SLC19A3: variants seen among roughly 807,000 people sequenced by gnomAD.
The protein encoded by SLC19A3 is thiamine transporter 2.
In SLC19A3, 31 loss-of-function variants were observed where a neutral mutation model predicts 40.2. The ratio of observed to expected loss-of-function variants is 0.77; its 90% CI spans 0.58 to 1.04. The LOEUF (loss-of-function observed/expected upper bound fraction) is 1.04, where lower values mean the gene tolerates loss of function less well. Ranked by LOEUF, SLC19A3 falls within the 50% of genes least tolerant of loss-of-function variation. The pLI, the probability that SLC19A3 is intolerant of heterozygous loss-of-function variation, is 0.00. For missense variants in SLC19A3, 592 were observed against 596.7 expected (o/e 0.99, Z 0.08); for synonymous variants, 212 against 227.5 (o/e 0.93, Z 0.61).
chr2:227,707,075 C>T (rs559603532), intron 1 of SLC19A3, among the ~76,000 whole-genome samples: 3 of 152,330 alleles, frequency 2.0e-5, no homozygotes, highest in East Asian at 3.9e-4. Flanking sequence ...CCTGCTGCAC[C>T]TGCACGGCAG....
chr2:227,690,706 CAAAAA>C (rs34163746), intron 4 of SLC19A3, among the ~76,000 whole-genome samples: 49 of 39,164 alleles, frequency 1.3e-3, no homozygotes, highest in African/African-American at 4.5e-3. Context: ...GACTCCATCT[CAAAAA>C]AAAAAAAAAA....
chr2:227,695,356 A>G (rs1339869172), intron 4 of SLC19A3, among the ~76,000 whole-genome samples: 2 of 152,042 alleles, frequency 1.3e-5, no homozygotes, highest in Non-Finnish European at 2.9e-5. Context: ...TAATTCCAGC[A>G]CTTTGGGAAG....
In SLC19A3 at chr2:227,702,376, T is replaced by C. The variant is rs1427951291; in HGVS notation, c.-2-56A>G. 68 of 1,565,378 alleles carry C rather than the reference T, an allele frequency of 4.3e-5. 1 individual carries two copies. The East Asian group carries it at 1.4e-3, about 32-fold the overall frequency. ...GTGATGCTTATTCTTTTTAGCATCC[T>C]TGATGCGATGAAAACCTGATTTTTT... On this transcript the variant is annotated intron_variant, in intron 1 of 5. Transcript: ENST00000644224.
At chr2:227,696,893 C>T (rs758652834) in intron 3 of SLC19A3, among the ~76,000 whole-genome samples, 12 of 152,012 alleles carry the variant, frequency 7.9e-5, no homozygotes, top group Non-Finnish European at 7.4e-5. Flanking sequence ...TGGTGAAACT[C>T]CAGCTCTACT....
chr2:227,717,384 C>T (rs1454906338), intron 1 of SLC19A3, among the ~76,000 whole-genome samples: 1 of 152,154 alleles, frequency 6.6e-6, no homozygotes, highest in African/African-American at 2.4e-5. Context: ...TGCACATTTG[C>T]GGCAGCGACA....
Position 227,703,686 on chromosome 2 carries a change from T to C in SLC19A3, c.-2-1366A>G, listed in dbSNP as rs934605330. Reference sequence around the variant, plus strand: ...TGGTGCTTTCTGTCTTCGTTGTTAATGATCTTATAGAAATGGCTGTCCTGG... The same window carrying C: ...TGGTGCTTTCTGTCTTCGTTGTTAACGATCTTATAGAAATGGCTGTCCTGG... On this transcript the variant is annotated intron_variant, in intron 1 of 5. Transcript: ENST00000644224. The surrounding 1 kb of genome is among the most constrained non-coding windows in gnomAD (Gnocchi z 4.7). Among the ~76,000 whole-genome samples, 5 of 152,202 alleles carry C rather than the reference T, an allele frequency of 3.3e-5. No individual in the cohort carries two copies. Among genetic ancestry groups the C allele is most frequent in the African/African-American group, 9.6e-5 (4 of 41,462 alleles).
rs1553568041 is a variant in SLC19A3, at chr2:227,687,410, G to C, written c.1478C>G (p.Ser493Ter). ...GTTGCGATGAGGTTAGAGTTTTGTT[G>C]ACATGATGATATTACTCTCTTCCTC... is the stretch of plus-strand genomic sequence containing the variant. ...HPEEESNIIM[S>*]TKL The change falls in exon 6 of 6, where the codon TCA (serine) becomes TGA (stop). Residue 493 changes from serine (S) to a stop codon, truncating the protein, a stop_gained. Transcript: ENST00000644224. LOFTEE classifies it high-confidence loss of function. The C allele has an allele frequency of 1.2e-6, 2 of 1,608,910 alleles. No individual in the cohort carries two copies. Among genetic ancestry groups the C allele is most frequent in the Non-Finnish European group, 1.7e-6 (2 of 1,176,384 alleles).
intron 1 of SLC19A3, chr2:227,714,378 A>G (rs973480249): frequency 1.9e-4 from 186 of 966,920 alleles, no homozygotes; most frequent in Non-Finnish European, 2.3e-4. Flanking sequence ...CTGGCCACAT[A>G]TAACATTTTT....
Position 227,692,022 on chromosome 2 carries a change from T to C in SLC19A3, c.1173-3715A>G, listed in dbSNP as rs187545129. 3.5e-4 allele frequency among the ~76,000 whole-genome samples: 53 copies of C among 152,218 alleles called. No homozygotes were observed. In the East Asian group the frequency reaches 8.9e-3, roughly 25 times the overall value. ...ACAAACAACCTATCCGATTGAACCA[T>C]GAAGAAATCCAAAACCTGAGAAGAC... On this transcript the variant is annotated intron_variant, in intron 4 of 5. Coordinates refer to ENST00000644224, the MANE Select transcript of SLC19A3 (RefSeq NM_025243.4).
chr2:227,698,732 T>G lies in SLC19A3; in HGVS notation c.979+4A>C, dbSNP rs778504868. On this transcript the variant is annotated splice_donor_region_variant and intron_variant, in intron 3 of 5. Coordinates refer to ENST00000644224, the MANE Select transcript of SLC19A3 (RefSeq NM_025243.4). ...CAAAGGAAGATTAAGTGACATTTGCTTACCTCCAAAGGTTGCAATAGCTTC... is the reference window on the plus strand; with the variant it reads ...CAAAGGAAGATTAAGTGACATTTGCGTACCTCCAAAGGTTGCAATAGCTTC... 1.2e-6 allele frequency: 2 copies of G among 1,612,012 alleles called. No homozygotes were observed. Among genetic ancestry groups the G allele is most frequent in the Non-Finnish European group, 1.7e-6 (2 of 1,178,936 alleles).
chr2:227,712,964 A>C lies in SLC19A3; in HGVS notation c.-3+4979T>G, dbSNP rs1238799994. On this transcript the variant is annotated intron_variant, in intron 1 of 5. Transcript: ENST00000644224. ...GCAGGGGAACTTCCTGGGGTGACCA[A>C]AACACTCTACACCTTGATTGTGGTG... is the stretch of plus-strand genomic sequence containing the variant. Among the ~76,000 whole-genome samples, 3 of 152,158 alleles carry C rather than the reference A, an allele frequency of 2.0e-5. No homozygotes were observed. The East Asian group carries it at 5.8e-4, about 29-fold the overall frequency.
Position 227,699,002 on chromosome 2 carries a change from A to G in SLC19A3, c.713T>C (p.Leu238Pro). Residue 238 changes from leucine to proline, a missense_variant, in exon 3 of 6, where the codon CTC becomes CCC. Leu to Pro is a moderately conservative substitution (Grantham distance 98). Coordinates refer to ENST00000644224, the MANE Select transcript of SLC19A3 (RefSeq NM_025243.4). Reference protein sequence around the residue: ...CEEQKPTSEILSTSGKLNKGQ... With the variant: ...CEEQKPTSEIPSTSGKLNKGQ... ...CTTATTCAGCTTCCCTGAAGTGCTGAGTATTTCTGATGTGGGTTTCTGCTC... is the reference window on the plus strand; with the variant it reads ...CTTATTCAGCTTCCCTGAAGTGCTGGGTATTTCTGATGTGGGTTTCTGCTC... 1.9e-6 allele frequency: 3 copies of G among 1,614,218 alleles called. No homozygotes were observed. Among genetic ancestry groups the G allele is most frequent in the Non-Finnish European group, 2.5e-6 (3 of 1,180,040 alleles).
In SLC19A3 at chr2:227,708,733, A is replaced by G. The variant is rs541002821; in HGVS notation, c.-2-6413T>C. On this transcript the variant is annotated intron_variant, in intron 1 of 5. Transcript: ENST00000644224. The stretch of plus-strand genomic sequence containing the variant: ...CTGTCAGTGTTCTTATAGTGACTGC[A>G]AGATAAGTTCATTTGTCATCCTAAT... Among the ~76,000 whole-genome samples the G allele has an allele frequency of 2.6e-5, 4 of 152,350 alleles. No homozygotes were observed. The South Asian group carries it at 8.3e-4, about 32-fold the overall frequency.
intron 1 of SLC19A3, chr2:227,706,449 A>T (rs1179013442): frequency 2.4e-6 from 3 of 1,229,442 alleles, no homozygotes; most frequent in Non-Finnish European, 3.0e-6. Flanking sequence ...TTAAAAAGGT[A>T]CAAGAACACT....
chr2:227,699,614 G>A, intron 2 of SLC19A3, 50 bp from the exon 3 acceptor site: 11 of 1,459,150 alleles, frequency 7.5e-6, no homozygotes, highest in Non-Finnish European at 1.1e-5. Context: ...ACTTTACTAA[G>A]GTACCTGTGG....
At chr2:227,690,706 CAAAAAAAAAAAAAAA>C (rs34163746) in intron 4 of SLC19A3, among the ~76,000 whole-genome samples, 6 of 39,146 alleles carry the variant, frequency 1.5e-4, no homozygotes, top group Non-Finnish European at 2.7e-4. Context: ...GACTCCATCT[CAAAAAAAAAAAAAAA>C]AAAAAAAAAA....
intron 1 of SLC19A3, chr2:227,714,418 G>A: frequency 1.0e-6 from 1 of 985,224 alleles, no homozygotes; most frequent in Non-Finnish European, 1.2e-6. Context: ...CTGAATCTCA[G>A]AAGCTGAGGC....
intron 2 of SLC19A3, 23 bp from the exon 3 acceptor site, chr2:227,699,587 G>A: frequency 6.3e-7 from 1 of 1,596,150 alleles, no homozygotes. Flanking sequence ...TAAATTGCAT[G>A]ACCACGAAGC....
At chr2:227,688,391 G>T (rs1695100975) in intron 4 of SLC19A3, 84 bp from the exon 5 acceptor site, 2 of 1,334,188 alleles carry the variant, frequency 1.5e-6, no homozygotes, top group South Asian at 1.2e-5. Flanking sequence ...GGCCACAGGG[G>T]TATTTGTGTC....
Sources: gnomAD v4.1 joint callset for allele counts (sites outside exome capture counted in the v4.1 genomes callset) on GRCh38, gnomAD v4.1.1 for gene constraint, Gnocchi (gnomAD v3.1) non-coding constraint, MANE v1.5 for transcripts, NCBI Gene and HGNC (gene_info 2026-07-23, HGNC 2026-07-21) for gene names.